The following KCNIP4 variants were observed in gnomAD, a reference collection of about 807,000 sequenced individuals.
KCNIP4 encodes the protein potassium voltage-gated channel interacting protein 4.
A neutral mutation model predicts 34.0 loss-of-function variants in KCNIP4; 12 were observed. The observed-to-expected ratio is 0.35, with a 90% CI of 0.23 to 0.57. The LOEUF is 0.57. KCNIP4 is among the 20% of genes least tolerant of loss of function. The pLI, the probability that KCNIP4 is intolerant of heterozygous loss-of-function variation, is 0.83. For synonymous variants in KCNIP4, 124 were observed against 102.2 expected, an observed-to-expected ratio of 1.21 and a Z score of -1.29; for missense variants, 238 against 311.7, an observed-to-expected ratio of 0.76 and a Z score of 1.78.
At chr4:21,561,290 A>C (rs1027505883) in intron 1 of KCNIP4, among the ~76,000 whole-genome samples, 1 of 152,068 alleles carries the variant, frequency 6.6e-6, no homozygotes, top group African/African-American at 2.4e-5. Context: ...CGCATTTTCC[A>C]ATGTGAACAA....
At chr4:21,319,261 A>G (rs1186716056) in intron 1 of KCNIP4, among the ~76,000 whole-genome samples, 1 of 152,214 alleles carries the variant, frequency 6.6e-6, no homozygotes, top group Non-Finnish European at 1.5e-5. Context: ...TTTGGTTGCA[A>G]TTGACAGGTA....
intron 1 of KCNIP4, among the ~76,000 whole-genome samples, chr4:21,780,134 T>C (rs1719484743): frequency 6.6e-6 from 1 of 151,870 alleles, no homozygotes; most frequent in South Asian, 2.1e-4. Context: ...AGCATAAAAG[T>C]TTTATAACAG....
intron 3 of KCNIP4, among the ~76,000 whole-genome samples, chr4:20,798,548 A>ACACACAC (rs35228196): frequency 6.6e-6 from 1 of 151,010 alleles, no homozygotes; most frequent in Non-Finnish European, 1.5e-5. Flanking sequence ...CAGACACACA[A>ACACACAC]AAAAGCTATG....
intron 1 of KCNIP4, among the ~76,000 whole-genome samples, chr4:21,490,674 G>GA (rs935230737): frequency 6.6e-6 from 1 of 152,074 alleles, no homozygotes; most frequent in African/African-American, 2.4e-5. Context: ...TTTAATATCT[G>GA]AAAAAACTCT....
At chr4:21,342,823 T>C (rs1419790826) in intron 1 of KCNIP4, among the ~76,000 whole-genome samples, 1 of 152,090 alleles carries the variant, frequency 6.6e-6, no homozygotes, top group East Asian at 1.9e-4. Flanking sequence ...CTTTTCCTGA[T>C]ACAAGTCCTC....
At chr4:21,404,677 A>G (rs1211565062) in intron 1 of KCNIP4, among the ~76,000 whole-genome samples, 1 of 152,184 alleles carries the variant, frequency 6.6e-6, no homozygotes, top group East Asian at 1.9e-4. Flanking sequence ...GACAAATTCT[A>G]AGAATGTTAA....
chr4:21,219,621 A>G (rs563482384), intron 1 of KCNIP4, among the ~76,000 whole-genome samples: 61 of 152,288 alleles, frequency 4.0e-4, no homozygotes, highest in African/African-American at 1.5e-3. Context: ...ACTGGTTGAG[A>G]GAAGAAAGGG....
intron 1 of KCNIP4, among the ~76,000 whole-genome samples, chr4:20,930,442 T>C (rs1384318603): frequency 6.6e-6 from 1 of 152,036 alleles, no homozygotes; most frequent in Non-Finnish European, 1.5e-5. Flanking sequence ...TTCCTTGATA[T>C]TGGCCTTGGA....
Position 21,041,260 on chromosome 4 carries a change from A to G in KCNIP4, c.62-158551T>C, listed in dbSNP as rs995278541. ...CACACACACACACACACACACACAC[A>G]CACACGCACATGAAAATAGTTTCAT... On this transcript the variant is annotated intron_variant, in intron 1 of 8. Transcript: ENST00000382152. Among the ~76,000 whole-genome samples the G allele has an allele frequency of 1.3e-5, 2 of 151,688 alleles. 1 individual carries two copies.
rs147217573 is a variant in KCNIP4 at position 21,743,036 on chromosome 4, G to A, written c.61+205535C>T. ...AGAAATATCTACATTCGGATTTACC[G>A]TGGATCTGTAGAGATATAATCAGTG... On this transcript the variant is annotated intron_variant, in intron 1 of 8. Transcript: ENST00000382152. 8.8e-3 allele frequency among the ~76,000 whole-genome samples: 1,335 copies of A among 152,224 alleles called. 19 individuals are homozygous for A. The highest frequency in any genetic ancestry group is 0.039 in the South Asian group (188 of 4,816).
chr4:21,029,836 A>C (rs1740852858), intron 1 of KCNIP4, among the ~76,000 whole-genome samples: 2 of 152,208 alleles, frequency 1.3e-5, no homozygotes, highest in African/African-American at 4.8e-5. Context: ...ACTTAATGTA[A>C]TAAAATAATG....
At chr4:21,598,576 T>A (rs971451075) in intron 1 of KCNIP4, among the ~76,000 whole-genome samples, 1 of 152,066 alleles carries the variant, frequency 6.6e-6, no homozygotes, top group Non-Finnish European at 1.5e-5. Context: ...GATGAGGGTA[T>A]GATGGTGAGA....
At chr4:21,322,766 T>G (rs1714637271) in intron 1 of KCNIP4, among the ~76,000 whole-genome samples, 1 of 152,038 alleles carries the variant, frequency 6.6e-6, no homozygotes, top group Non-Finnish European at 1.5e-5. Context: ...TCTATGTGAT[T>G]CAGATTCATA....
rs1560437836 is a variant in KCNIP4, at chr4:21,470,682, C to CA, written c.61+477888dup. Among the ~76,000 whole-genome samples the CA allele has an allele frequency of 2.6e-5, 4 of 152,204 alleles. No individual in the cohort carries two copies. The South Asian group carries it at 8.3e-4, about 32-fold the overall frequency. On this transcript the variant is annotated intron_variant, in intron 1 of 8. Coordinates refer to ENST00000382152, the MANE Select transcript of KCNIP4 (RefSeq NM_025221.6). ...AAAAATAAAGAGAGGCACACAGTCA[C>CA]AGACAAGAAGGAGGATTAAGGGTAA...
chr4:21,424,904 G>A (rs939220692), intron 1 of KCNIP4, among the ~76,000 whole-genome samples: 1 of 152,200 alleles, frequency 6.6e-6, no homozygotes, highest in Non-Finnish European at 1.5e-5. Flanking sequence ...GTCCCCAAAT[G>A]TGCATAGGCT....
chr4:20,891,258 A>T (rs2149536561), intron 1 of KCNIP4, among the ~76,000 whole-genome samples: 1 of 152,306 alleles, frequency 6.6e-6, no homozygotes, highest in African/African-American at 2.4e-5. Context: ...CTGGTGGAAG[A>T]AAATGGCAAA....
chr4:20,894,377 C>T (rs1035836792), intron 1 of KCNIP4, among the ~76,000 whole-genome samples: 1 of 152,176 alleles, frequency 6.6e-6, no homozygotes, highest in Admixed American at 6.5e-5. Context: ...TACAATGAAT[C>T]TTCTCCTCCA....
chr4:21,699,752 G>A (rs1399105701), intron 1 of KCNIP4, among the ~76,000 whole-genome samples: 1 of 152,148 alleles, frequency 6.6e-6, no homozygotes, highest in African/African-American at 2.4e-5. Flanking sequence ...TACAGTATGT[G>A]AAGCCTTATA....
At chr4:20,918,070 CTTCT>C (rs1729024190) in intron 1 of KCNIP4, among the ~76,000 whole-genome samples, 1 of 152,034 alleles carries the variant, frequency 6.6e-6, no homozygotes. Context: ...TGGAATTTTT[CTTCT>C]TTGTGAATTA....
Sources: gnomAD v4.1 joint callset for allele counts (sites outside exome capture counted in the v4.1 genomes callset) on GRCh38, gnomAD v4.1.1 for gene constraint, MANE v1.5 for transcripts, NCBI Gene and HGNC (gene_info 2026-07-23, HGNC 2026-07-21) for gene names.